The following CYTIP variants were observed in gnomAD, a reference collection of about 807,000 sequenced individuals.
CYTIP encodes cytohesin 1 interacting protein, also known as cytohesin-interacting protein.
Under a neutral mutation model 43.8 loss-of-function variants are expected in CYTIP, and 26 were observed. That is an observed-to-expected ratio of 0.59 (90% CI 0.44 to 0.82). CYTIP has a LOEUF of 0.82. CYTIP is among the 40% of genes least tolerant of loss of function. CYTIP has a pLI of 0.00. For missense variants in CYTIP, 426 were observed against 443.1 expected (o/e 0.96, Z 0.35); for synonymous variants, 162 against 162.9 (o/e 0.99, Z 0.04).
chr2:157,427,423 G>T lies in CYTIP; in HGVS notation c.477-3C>A. On this transcript the variant is annotated splice_polypyrimidine_tract_variant and splice_region_variant and intron_variant, in intron 5 of 7. Transcript: ENST00000264192. ...TTGTTCCATTAAGAGTCTCTATCCT[G>T]TTTTAAGGAAAAAAAAAAGAAGAGG... is the stretch of plus-strand genomic sequence containing the variant. 1 of 1,585,210 alleles carries T rather than the reference G, an allele frequency of 6.3e-7. No individual in the cohort carries two copies. The highest frequency in any genetic ancestry group is 1.4e-5 in the African/African-American group (1 of 73,252).
chr2:157,422,768 A>G (rs1053075523), intron 6 of CYTIP, among the ~76,000 whole-genome samples: 2 of 152,054 alleles, frequency 1.3e-5, no homozygotes, highest in African/African-American at 2.4e-5. Context: ...ATCAATGTTT[A>G]TAAGAACAAG....
intron 3 of CYTIP, among the ~76,000 whole-genome samples, chr2:157,432,838 G>T (rs1685734314): frequency 6.6e-6 from 1 of 152,142 alleles, no homozygotes; most frequent in Non-Finnish European, 1.5e-5. Context: ...GAGTACTAGG[G>T]AATAGATTAT....
chr2:157,417,136 C>T (rs1474628724), intron 7 of CYTIP, among the ~76,000 whole-genome samples: 1 of 152,086 alleles, frequency 6.6e-6, no homozygotes, highest in Non-Finnish European at 1.5e-5. Flanking sequence ...GTCTTTTGTC[C>T]TCGGTTGACA....
chr2:157,424,373 A>G (rs1386479040), intron 6 of CYTIP, among the ~76,000 whole-genome samples: 1 of 152,196 alleles, frequency 6.6e-6, no homozygotes, highest in East Asian at 1.9e-4. Flanking sequence ...GGTACAGAGG[A>G]CTAAGTCTAA....
chr2:157,428,703 C>T (rs1038812269), intron 5 of CYTIP, among the ~76,000 whole-genome samples: 3 of 152,210 alleles, frequency 2.0e-5, no homozygotes, highest in African/African-American at 7.2e-5. Flanking sequence ...TCCCCTCAGA[C>T]TCTGCACGGT....
intron 2 of CYTIP, 101 bp downstream of exon 2, chr2:157,434,597 G>T: frequency 2.2e-6 from 1 of 457,932 alleles, no homozygotes; most frequent in South Asian, 3.9e-5. Flanking sequence ...TGTGTGCGTA[G>T]AGAGAGAGAG....
intron 1 of CYTIP, among the ~76,000 whole-genome samples, chr2:157,436,788 T>A (rs1192548993): frequency 6.6e-6 from 1 of 152,094 alleles, no homozygotes; most frequent in Admixed American, 6.5e-5. Context: ...AATAAACTAC[T>A]AAACGAAAAT....
intron 1 of CYTIP, chr2:157,439,547 A>G (rs1167411147): frequency 6.6e-6 from 1 of 152,172 alleles, no homozygotes; most frequent in Non-Finnish European, 1.5e-5. Context: ...TGTTCCCCAG[A>G]CAGCCCTCCA....
intron 3 of CYTIP, 39 bp downstream of exon 3, chr2:157,434,331 T>TTG (rs1685758978): frequency 6.5e-7 from 1 of 1,541,766 alleles, no homozygotes; most frequent in Non-Finnish European, 9.0e-7. Context: ...CGGTGCCACT[T>TTG]TCTTCCTTGG....
intron 3 of CYTIP, 142 bp downstream of exon 3, chr2:157,434,228 A>AC (rs1685757421): frequency 2.8e-6 from 2 of 723,516 alleles, no homozygotes; most frequent in Non-Finnish European, 4.9e-6. Flanking sequence ...CTGAAAAACT[A>AC]CCCCCAAACA....
In CYTIP at chr2:157,427,417, T is replaced by C; in HGVS notation, c.480A>G (p.Ile160Met). Residue 160 changes from isoleucine to methionine, a missense_variant, in exon 6 of 8, where the codon ATA becomes ATG. Coordinates refer to ENST00000264192, the MANE Select transcript of CYTIP (RefSeq NM_004288.5). The part of the protein sequence containing the change: ...LIRSSGNLLT[I>M]ETLNGTMILK... ...GAATCATTGTTCCATTAAGAGTCTC[T>C]ATCCTGTTTTAAGGAAAAAAAAAAG... 2 of 1,596,366 alleles carry C rather than the reference T, an allele frequency of 1.3e-6. No individual in the cohort carries two copies. The highest frequency in any genetic ancestry group is 1.7e-6 in the Non-Finnish European group (2 of 1,174,170).
At chr2:157,439,115 T>G (rs570035539) in intron 1 of CYTIP, among the ~76,000 whole-genome samples, 16 of 152,308 alleles carry the variant, frequency 1.1e-4, no homozygotes, top group African/African-American at 3.6e-4. Flanking sequence ...ATGAGAAGCA[T>G]AGCAGATTTT....
intron 7 of CYTIP, among the ~76,000 whole-genome samples, chr2:157,418,248 A>G (rs985010628): frequency 5.3e-5 from 8 of 152,170 alleles, no homozygotes; most frequent in Admixed American, 2.0e-4. Flanking sequence ...ATCTTCCCCA[A>G]TGATTTTCTA....
chr2:157,443,876 C>A lies in CYTIP; in HGVS notation c.145G>T (p.Val49Leu). 1 of 1,614,120 alleles carries A rather than the reference C, an allele frequency of 6.2e-7. No individual in the cohort carries two copies. Among genetic ancestry groups the A allele is most frequent in the Non-Finnish European group, 8.5e-7 (1 of 1,179,974 alleles). ...TTTCGTCCCCGAGGCAGAGTAGCCA[C>A]CGTGTCTGCTAGCATTTGAATCCTT... The part of the protein sequence containing the change: ...NRRIQMLADT[V>L]ATLPRGRKQL... The change falls in exon 1 of 8, where the codon GTG becomes TTG. Residue 49 changes from valine to leucine, a missense_variant. Coordinates refer to ENST00000264192, the MANE Select transcript of CYTIP (RefSeq NM_004288.5).
At chr2:157,423,626 C>A (rs1685557862) in intron 6 of CYTIP, among the ~76,000 whole-genome samples, 1 of 151,840 alleles carries the variant, frequency 6.6e-6, no homozygotes, top group African/African-American at 2.4e-5. Context: ...GTCCCCAGGT[C>A]ATGCTAAGAG....
chr2:157,435,376 T>C (rs1685794111), intron 1 of CYTIP, among the ~76,000 whole-genome samples: 1 of 152,168 alleles, frequency 6.6e-6, no homozygotes, highest in Non-Finnish European at 1.5e-5. Flanking sequence ...AAAACCTCAT[T>C]TCTGCTTATG....
intron 5 of CYTIP, among the ~76,000 whole-genome samples, chr2:157,429,293 C>T (rs1685660672): frequency 6.6e-6 from 1 of 152,112 alleles, no homozygotes; most frequent in Admixed American, 6.5e-5. Context: ...TCTCTCTTTG[C>T]CTGAAGTGCT....
intron 7 of CYTIP, among the ~76,000 whole-genome samples, chr2:157,416,410 T>C (rs980275408): frequency 3.3e-5 from 5 of 152,220 alleles, no homozygotes; most frequent in African/African-American, 4.8e-5. Flanking sequence ...AGATGTTTCA[T>C]ATGAGAACAG....
chr2:157,423,750 C>T (rs531466087), intron 6 of CYTIP, among the ~76,000 whole-genome samples: 9 of 152,052 alleles, frequency 5.9e-5, no homozygotes, highest in African/African-American at 9.6e-5. Flanking sequence ...ATTAGCAAAT[C>T]GAACCTGTAA....
Sources: gnomAD v4.1 joint callset for allele counts (sites outside exome capture counted in the v4.1 genomes callset) on GRCh38, gnomAD v4.1.1 for gene constraint, MANE v1.5 for transcripts, NCBI Gene and HGNC (gene_info 2026-07-23, HGNC 2026-07-21) for gene names.